CSMD1: variants seen among roughly 807,000 people sequenced by gnomAD.
The protein encoded by CSMD1 is CUB and Sushi multiple domains 1, also known as CUB and sushi domain-containing protein 1.
In CSMD1, 213 loss-of-function variants were observed where a neutral mutation model predicts 417.5. That is an observed-to-expected ratio of 0.51 (90% confidence interval 0.46 to 0.57). The LOEUF (loss-of-function observed/expected upper bound fraction) is 0.57. Ranked by LOEUF, CSMD1 falls within the 20% of genes least tolerant of loss-of-function variation. CSMD1 has a pLI of 0.00. For synonymous variants in CSMD1, 2,862 were observed against 1,736.8 expected, an observed-to-expected ratio of 1.65 and a Z score of -16.11; for missense variants, 6,923 against 4,529.7, an observed-to-expected ratio of 1.53 and a Z score of -15.17.
At chr8:4,698,234 C>A (rs1807266907) in intron 1 of CSMD1, among the ~76,000 whole-genome samples, 1 of 150,948 alleles carries the variant, frequency 6.6e-6, no homozygotes, top group Non-Finnish European at 1.5e-5. Flanking sequence ...GGTTCTTCAT[C>A]AGTATTAAAC....
intron 49 of CSMD1, among the ~76,000 whole-genome samples, chr8:3,068,966 C>T (rs1157828870): frequency 6.6e-6 from 1 of 152,018 alleles, no homozygotes; most frequent in Non-Finnish European, 1.5e-5. Flanking sequence ...CCAACAGAAG[C>T]CAAAAGTTCA....
intron 10 of CSMD1, among the ~76,000 whole-genome samples, chr8:3,543,972 A>T (rs1798549484): frequency 6.6e-6 from 1 of 152,182 alleles, no homozygotes. Context: ...GAGAAAGCAG[A>T]AAGAGTCAGA....
At chr8:4,784,942 T>C (rs1797323502) in intron 1 of CSMD1, among the ~76,000 whole-genome samples, 1 of 151,232 alleles carries the variant, frequency 6.6e-6, no homozygotes, top group Non-Finnish European at 1.5e-5. Context: ...GATGACTAAA[T>C]TAGGCTCATA....
At chr8:4,730,353 G>C (rs928960054) in intron 1 of CSMD1, among the ~76,000 whole-genome samples, 4 of 152,114 alleles carry the variant, frequency 2.6e-5, no homozygotes, top group Non-Finnish European at 5.9e-5. Flanking sequence ...GAAAGCCCTT[G>C]AAAGATGAAA....
intron 5 of CSMD1, among the ~76,000 whole-genome samples, chr8:3,841,168 T>C (rs143161592): frequency 1.2e-3 from 185 of 152,266 alleles, no homozygotes; most frequent in African/African-American, 4.2e-3. Flanking sequence ...ATGGTGGAAA[T>C]TGTGTTTTTA....
intron 3 of CSMD1, among the ~76,000 whole-genome samples, chr8:4,343,397 C>T (rs763874790): frequency 2.2e-4 from 33 of 151,886 alleles, no homozygotes; most frequent in Non-Finnish European, 1.9e-4. Flanking sequence ...AGAGAGCTGA[C>T]CTTAAGTGTT....
chr8:2,965,841 C>G lies in CSMD1; in HGVS notation c.9214G>C (p.Val3072Leu), dbSNP rs1803909264. 2.5e-6 allele frequency: 4 copies of G among 1,608,528 alleles called. No individual in the cohort carries two copies. Among genetic ancestry groups the G allele is most frequent in the Non-Finnish European group, 3.4e-6 (4 of 1,177,350 alleles). ...GTACAGCGAATAGTGGCGGATGTGA[C>G]TGCTTCCATGACATAGCCTGGGTTA... ...QCNPGYVMEA[V>L]TSATIRCTKD... Residue 3072 changes from valine (V) to leucine (L), a missense_variant, in exon 59 of 70, where the codon GTC becomes CTC. By Grantham distance (32) the Val-to-Leu change is conservative (BLOSUM62 1). Transcript: ENST00000635120.
At chr8:3,665,458 G>A (rs11998381) in intron 7 of CSMD1, among the ~76,000 whole-genome samples, 2 of 152,142 alleles carry the variant, frequency 1.3e-5, no homozygotes, top group Non-Finnish European at 2.9e-5. Context: ...GAACCCGGGA[G>A]ACGGAGGTTG....
At position 2,955,794 on chromosome 8, in the gene CSMD1, G is replaced by C. The variant is rs141458053; in HGVS notation, c.9815-26C>G. 180 of 1,603,712 alleles carry C rather than the reference G, an allele frequency of 1.1e-4. 1 individual carries two copies. In the East Asian group the frequency reaches 4.0e-3, roughly 35 times the overall value. ...CTGAAACAACATTAGGAAACATTGA[G>C]ACTTTGTTTATTGTAAAGTTAGCAC... is the stretch of plus-strand genomic sequence containing the variant. On this transcript the variant is annotated intron_variant, in intron 63 of 69. Coordinates refer to ENST00000635120, the MANE Select transcript of CSMD1 (RefSeq NM_033225.6).
At chr8:2,962,333 A>C in intron 61 of CSMD1, 133 bp downstream of exon 61, 1 of 777,986 alleles carries the variant, frequency 1.3e-6, no homozygotes, top group Non-Finnish European at 2.0e-6. Flanking sequence ...CTCAGTGCAA[A>C]AATTATTACC....
At chr8:3,907,466 G>C (rs2930373) in intron 5 of CSMD1, among the ~76,000 whole-genome samples, 4 of 151,982 alleles carry the variant, frequency 2.6e-5, no homozygotes, top group African/African-American at 9.7e-5. Flanking sequence ...ACACTTTAAG[G>C]CAGTATGGTA....
At chr8:4,867,171 C>G (rs1369650516) in intron 1 of CSMD1, among the ~76,000 whole-genome samples, 1 of 151,992 alleles carries the variant, frequency 6.6e-6, no homozygotes, top group Non-Finnish European at 1.5e-5. Context: ...ACCACTGTGA[C>G]AGCAAAAAAC....
chr8:3,300,958 C>CAAAAAAAAAAAAAAA (rs374180480), intron 25 of CSMD1, among the ~76,000 whole-genome samples: 2 of 50,600 alleles, frequency 4.0e-5, no homozygotes, highest in African/African-American at 6.7e-5. Flanking sequence ...GACTCTGTCT[C>CAAAAAAAAAAAAAAA]AAAAAAAAAA....
chr8:4,619,575 G>C (rs1801656075), intron 2 of CSMD1, among the ~76,000 whole-genome samples: 1 of 152,074 alleles, frequency 6.6e-6, no homozygotes, highest in African/African-American at 2.4e-5. Context: ...TTGATGATTT[G>C]CTCACCAGAT....
intron 5 of CSMD1, among the ~76,000 whole-genome samples, chr8:3,765,534 T>A (rs1465800572): frequency 6.6e-6 from 1 of 152,232 alleles, no homozygotes; most frequent in African/African-American, 2.4e-5. Flanking sequence ...CTTCCTCTTC[T>A]TTGTAGTATT....
At chr8:4,021,066 T>C (rs932362007) in intron 4 of CSMD1, among the ~76,000 whole-genome samples, 1 of 152,210 alleles carries the variant, frequency 6.6e-6, no homozygotes. Context: ...ATCAGAGCTC[T>C]ACAAGCATTA....
At chr8:4,707,195 C>G (rs540104401) in intron 1 of CSMD1, among the ~76,000 whole-genome samples, 14 of 152,298 alleles carry the variant, frequency 9.2e-5, no homozygotes, top group African/African-American at 3.1e-4. Context: ...TTATTGCACT[C>G]TAGACACTGT....
chr8:3,424,524 A>G (rs906066045), intron 12 of CSMD1, among the ~76,000 whole-genome samples: 7 of 152,260 alleles, frequency 4.6e-5, no homozygotes, highest in Admixed American at 2.6e-4. Flanking sequence ...AAAGTTAAAA[A>G]ATTACTTGGC....
At chr8:4,436,923 G>A (rs961335973) in intron 2 of CSMD1, among the ~76,000 whole-genome samples, 1 of 152,136 alleles carries the variant, frequency 6.6e-6, no homozygotes, top group Non-Finnish European at 1.5e-5. Context: ...ATCTGTTGAT[G>A]GACACTGAGG....
Sources: allele counts gnomAD v4.1 joint callset (sites outside exome capture counted in the v4.1 genomes callset), GRCh38; gene constraint gnomAD v4.1.1; transcripts MANE v1.5; gene names NCBI Gene and HGNC (gene_info 2026-07-23, HGNC 2026-07-21).